The following ZBTB46 variants were observed in gnomAD, a reference collection of about 807,000 sequenced individuals.
The protein encoded by ZBTB46 is zinc finger and BTB domain-containing protein 46.
ZBTB46 carries 8 observed loss-of-function variants against 44.1 expected under a neutral mutation model. The ratio of observed to expected loss-of-function variants is 0.18; its 90% CI spans 0.11 to 0.33. The LOEUF (loss-of-function observed/expected upper bound fraction) is 0.33, where lower values mean the gene tolerates loss of function less well. ZBTB46 is among the 10% of genes least tolerant of loss of function. The pLI is 1.00. For synonymous variants in ZBTB46, 409 were observed against 382.3 expected (o/e 1.07, Z -0.81); for missense variants, 651 against 847.7 (o/e 0.77, Z 2.88).
intron 3 of ZBTB46, among the ~76,000 whole-genome samples, chr20:63,764,109 C>T (rs2092299039): frequency 6.6e-6 from 1 of 151,964 alleles, no homozygotes; most frequent in Non-Finnish European, 1.5e-5. Context: ...GCTGGAACTA[C>T]AGGCATGAGC....
chr20:63,775,802 C>CGCGGTGGCCTGATGCAGG lies in ZBTB46; in HGVS notation c.1080_1097dup (p.Leu361_Ala366dup). 1 of 1,613,394 alleles carries CGCGGTGGCCTGATGCAGG rather than the reference C, an allele frequency of 6.2e-7. No individual in the cohort carries two copies. On this transcript the variant is annotated inframe_insertion, in exon 3 of 5. Coordinates refer to ENST00000245663, the MANE Select transcript of ZBTB46 (RefSeq NM_001369741.1). ...TGAGCGCCGCGCGCAGGTTGGCCAC[C>CGCGGTGGCCTGATGCAGG]GCGGTGGCCTGATGCAGGGCGTCGT...
chr20:63,802,911 C>T (rs1243049346), intron 1 of ZBTB46, among the ~76,000 whole-genome samples: 2 of 152,232 alleles, frequency 1.3e-5, no homozygotes, highest in South Asian at 2.1e-4. Context: ...AACCTCAGAC[C>T]TCCGGCCTCC....
chr20:63,828,311 A>AGCCGCGGCAG (rs1363482091), intron 1 of ZBTB46, among the ~76,000 whole-genome samples: 3 of 152,250 alleles, frequency 2.0e-5, no homozygotes, highest in Non-Finnish European at 2.9e-5. Flanking sequence ...GCTACGCCGC[A>AGCCGCGGCAG]GCCGCGGCAG....
chr20:63,766,992 G>A (rs2092325725), intron 3 of ZBTB46, among the ~76,000 whole-genome samples: 1 of 152,172 alleles, frequency 6.6e-6, no homozygotes, highest in Admixed American at 6.5e-5. Context: ...GCTGCTCTGG[G>A]TCCCTGGAGC....
intron 1 of ZBTB46, among the ~76,000 whole-genome samples, chr20:63,815,558 G>A (rs2092746123): frequency 6.9e-6 from 1 of 145,734 alleles, no homozygotes; most frequent in African/African-American, 2.6e-5. Context: ...GGTGCAGTGG[G>A]TGCAGATGGG....
At chr20:63,780,691 A>G (rs547464758) in intron 2 of ZBTB46, among the ~76,000 whole-genome samples, 55 of 151,532 alleles carry the variant, frequency 3.6e-4, no homozygotes, top group African/African-American at 1.3e-3. Context: ...AGTCCCAGCT[A>G]CTCGGGAGGC....
chr20:63,830,585 C>A (rs1429277953), intron 1 of ZBTB46, among the ~76,000 whole-genome samples: 2 of 150,134 alleles, frequency 1.3e-5, no homozygotes, highest in African/African-American at 2.4e-5. Flanking sequence ...TTGGCAAACT[C>A]GGCGCGGGCG....
At chr20:63,791,495 C>CAAAAA (rs59810640) in intron 1 of ZBTB46, among the ~76,000 whole-genome samples, 6 of 61,194 alleles carry the variant, frequency 9.8e-5, no homozygotes, top group African/African-American at 2.8e-4. Context: ...GACTCCATCT[C>CAAAAA]AAAAAAAAAA....
At chr20:63,809,452 G>A (rs2092705426) in intron 1 of ZBTB46, among the ~76,000 whole-genome samples, 1 of 152,222 alleles carries the variant, frequency 6.6e-6, no homozygotes, top group Non-Finnish European at 1.5e-5. Flanking sequence ...GAGCCCAGAA[G>A]ACAGCAGCGC....
intron 3 of ZBTB46, among the ~76,000 whole-genome samples, chr20:63,770,500 C>T (rs1458153781): frequency 6.6e-6 from 1 of 152,160 alleles, no homozygotes; most frequent in Admixed American, 6.5e-5. Context: ...AATTTAACAG[C>T]CAAGCCAAGG....
At chr20:63,779,093 C>T (rs2092447841) in intron 2 of ZBTB46, among the ~76,000 whole-genome samples, 1 of 152,182 alleles carries the variant, frequency 6.6e-6, no homozygotes. Flanking sequence ...CCGCCTGTGA[C>T]TTCACTTTAT....
At chr20:63,793,284 G>A (rs1203118878) in intron 1 of ZBTB46, among the ~76,000 whole-genome samples, 3 of 152,220 alleles carry the variant, frequency 2.0e-5, no homozygotes, top group Admixed American at 1.3e-4. Context: ...GCTGTGGGGA[G>A]GGGGTCATGT....
At chr20:63,819,047 C>A (rs962789232) in intron 1 of ZBTB46, among the ~76,000 whole-genome samples, 2 of 151,566 alleles carry the variant, frequency 1.3e-5, no homozygotes, top group African/African-American at 4.9e-5. Flanking sequence ...GTGGTGTGCG[C>A]CTGTAATCCC....
intron 1 of ZBTB46, among the ~76,000 whole-genome samples, chr20:63,792,084 C>T (rs752552188): frequency 2.4e-4 from 37 of 152,178 alleles, no homozygotes; most frequent in Non-Finnish European, 3.5e-4. Context: ...CACCCTTTCA[C>T]AAGGACACCA....
At chr20:63,777,101 G>C (rs151158205) in intron 2 of ZBTB46, among the ~76,000 whole-genome samples, 11,840 of 44,908 alleles carry the variant, frequency 0.26, 2,856 homozygotes, top group East Asian at 0.75. Context: ...CACGGTTCCA[G>C]CACACGCCAC....
chr20:63,825,436 A>G (rs1249482131), intron 1 of ZBTB46, among the ~76,000 whole-genome samples: 2 of 53,452 alleles, frequency 3.7e-5, no homozygotes, highest in Non-Finnish European at 6.9e-5. Flanking sequence ...CCCGCCCACC[A>G]TCTCACTACC....
intron 3 of ZBTB46, among the ~76,000 whole-genome samples, chr20:63,772,790 CCCA>C (rs1317017298): frequency 6.9e-6 from 1 of 145,956 alleles, no homozygotes; most frequent in Non-Finnish European, 1.6e-5. Flanking sequence ...GTGCCCTCAC[CCCA>C]CCTTCAGGAT....
intron 2 of ZBTB46, among the ~76,000 whole-genome samples, chr20:63,783,145 C>G (rs1393011075): frequency 6.6e-6 from 1 of 151,888 alleles, no homozygotes; most frequent in East Asian, 1.9e-4. Context: ...AAACAAAAAA[C>G]ACAGCTGGGC....
chr20:63,792,865 C>T (rs574446474), intron 1 of ZBTB46, among the ~76,000 whole-genome samples: 5 of 152,310 alleles, frequency 3.3e-5, no homozygotes, highest in Admixed American at 2.6e-4. Flanking sequence ...TTTCACAGGC[C>T]GGGAAGATGA....
Sources: allele counts gnomAD v4.1 joint callset (sites outside exome capture counted in the v4.1 genomes callset), GRCh38; gene constraint gnomAD v4.1.1; transcripts MANE v1.5; gene names NCBI Gene and HGNC (gene_info 2026-07-23, HGNC 2026-07-21).